Variants in SCUBE2 observed in about 807,000 individuals in gnomAD.
SCUBE2 encodes the protein signal peptide, CUB domain and EGF like domain containing 2, also known as signal peptide, CUB and EGF-like domain-containing protein 2.
A neutral mutation model predicts 125.9 loss-of-function variants in SCUBE2; 114 were observed. The ratio of observed to expected loss-of-function variants is 0.91; its 90% CI spans 0.78 to 1.06. The LOEUF is 1.06. Among genes scored for constraint, SCUBE2 ranks in the 50% least tolerant of loss-of-function variants. The pLI, the probability that SCUBE2 is intolerant of heterozygous loss-of-function variation, is 0.00. For missense variants in SCUBE2, 1,255 were observed against 1,301.8 expected (o/e 0.96, Z 0.55); for synonymous variants, 459 against 492.9 (o/e 0.93, Z 0.91).
chr11:9,020,986 C>G lies in SCUBE2; in HGVS notation c.*59G>C. 5.9e-6 allele frequency: 9 copies of G among 1,515,062 alleles called. No individual in the cohort carries two copies. Among genetic ancestry groups the G allele is most frequent in the Non-Finnish European group, 8.1e-6 (9 of 1,116,154 alleles). The allele number at this position is 1,515,062 out of a possible 1,614,324, so 93.9% of individuals were successfully genotyped here. On this transcript the variant is annotated 3_prime_UTR_variant, in exon 23 of 23. Coordinates refer to ENST00000649792, the MANE Select transcript of SCUBE2 (RefSeq NM_001367977.2). Reference sequence around the variant, plus strand: ...ACTGTGCTGACATGCAGAAGGAAGACAGCTCTGTCCCACCAACCCTATAGC... The same window carrying G: ...ACTGTGCTGACATGCAGAAGGAAGAGAGCTCTGTCCCACCAACCCTATAGC...
At chr11:9,060,375 G>A in intron 8 of SCUBE2, 33 bp downstream of exon 8, 1 of 1,539,282 alleles carries the variant, frequency 6.5e-7, no homozygotes, top group Admixed American at 1.7e-5. Context: ...TCCATAACAG[G>A]GCACCCAGTC....
chr11:9,088,877 G>C (rs1473143461), intron 2 of SCUBE2, among the ~76,000 whole-genome samples: 1 of 152,202 alleles, frequency 6.6e-6, no homozygotes, highest in African/African-American at 2.4e-5. Context: ...GTGGAGACCT[G>C]ACTTTCTTTC....
intron 16 of SCUBE2, among the ~76,000 whole-genome samples, chr11:9,041,172 G>A (rs1857205818): frequency 6.6e-6 from 1 of 152,176 alleles, no homozygotes; most frequent in Admixed American, 6.5e-5. Context: ...TCTGTCTTTT[G>A]TGATGAACAT....
intron 16 of SCUBE2, among the ~76,000 whole-genome samples, chr11:9,041,839 G>A (rs950103963): frequency 6.6e-6 from 1 of 152,140 alleles, no homozygotes; most frequent in South Asian, 2.1e-4. Context: ...AGATGGGTTT[G>A]TGTGATGTTG....
At chr11:9,048,209 G>T in intron 14 of SCUBE2, 111 bp from the exon 15 acceptor site, 1 of 1,071,176 alleles carries the variant, frequency 9.3e-7, no homozygotes, top group Non-Finnish European at 1.3e-6. Context: ...GGGACTAAGT[G>T]ATTATCTCCA....
At chr11:9,083,991 A>AATGATGAC (rs1861866309) in intron 2 of SCUBE2, among the ~76,000 whole-genome samples, 1 of 152,206 alleles carries the variant, frequency 6.6e-6, no homozygotes, top group Non-Finnish European at 1.5e-5. Context: ...CCCAGGTAGG[A>AATGATGAC]ATGATGACAC....
At chr11:9,071,361 A>G (rs534112456) in intron 4 of SCUBE2, among the ~76,000 whole-genome samples, 12 of 152,356 alleles carry the variant, frequency 7.9e-5, no homozygotes, top group South Asian at 4.1e-4. Context: ...CCATTGTGAT[A>G]CACAGAGAAC....
At chr11:9,062,197 G>A (rs1859750155) in intron 7 of SCUBE2, among the ~76,000 whole-genome samples, 1 of 152,146 alleles carries the variant, frequency 6.6e-6, no homozygotes, top group Admixed American at 6.5e-5. Context: ...GCTCCCTACT[G>A]GCAGATTTAA....
intron 5 of SCUBE2, 134 bp downstream of exon 5, chr11:9,069,236 G>A (rs1860541106): frequency 9.3e-7 from 1 of 1,077,360 alleles, no homozygotes; most frequent in Non-Finnish European, 1.4e-6. Flanking sequence ...CTTGGTAGAG[G>A]TCGGTATCCC....
rs533889121 is a variant in SCUBE2, at chr11:9,030,061, G to A, written c.2342-16C>T. 4 of 1,600,608 alleles carry A rather than the reference G, an allele frequency of 2.5e-6. No homozygotes were observed. In the African/African-American group the frequency reaches 4.0e-5, roughly 16 times the overall value. Reference sequence around the variant, plus strand: ...GAACATTGAACTGTGGGTCAAGGGAGGGTGAAAAGAATGAAAAAAAGAAAG... The same window carrying A: ...GAACATTGAACTGTGGGTCAAGGGAAGGTGAAAAGAATGAAAAAAAGAAAG... On this transcript the variant is annotated splice_polypyrimidine_tract_variant and intron_variant, in intron 18 of 22. Coordinates refer to ENST00000649792, the MANE Select transcript of SCUBE2 (RefSeq NM_001367977.2).
intron 21 of SCUBE2, among the ~76,000 whole-genome samples, chr11:9,022,966 G>A (rs1330788252): frequency 2.0e-5 from 3 of 151,980 alleles, no homozygotes; most frequent in East Asian, 1.9e-4. Flanking sequence ...CTGGAGGGTG[G>A]AGAATTTGGC....
chr11:9,039,061 C>A (rs1043806622), intron 16 of SCUBE2, among the ~76,000 whole-genome samples: 2 of 151,912 alleles, frequency 1.3e-5, no homozygotes, highest in Admixed American at 1.3e-4. Context: ...AATGTTTTAA[C>A]TTTTTGTAGA....
chr11:9,081,038 G>A (rs1420636292), intron 2 of SCUBE2, among the ~76,000 whole-genome samples: 1 of 152,168 alleles, frequency 6.6e-6, no homozygotes, highest in Non-Finnish European at 1.5e-5. Flanking sequence ...AAACCACAAT[G>A]AGATGCCATT....
chr11:9,026,007 G>A, intron 20 of SCUBE2, 153 bp from the exon 21 acceptor site: 1 of 743,962 alleles, frequency 1.3e-6, no homozygotes, highest in South Asian at 2.0e-5. Context: ...CAAAGGTCCT[G>A]GAAACAGAGT....
chr11:9,031,028 G>A (rs915719195), intron 17 of SCUBE2, 103 bp from the exon 18 acceptor site: 1 of 1,091,876 alleles, frequency 9.2e-7, no homozygotes, highest in Non-Finnish European at 1.3e-6. Context: ...ACCCAGTGCT[G>A]ACCGCAGTTC....
chr11:9,039,716 C>A lies in SCUBE2; in HGVS notation c.2003-5920G>T, dbSNP rs147749378. 7.4e-4 allele frequency among the ~76,000 whole-genome samples: 113 copies of A among 152,236 alleles called. 4 individuals are homozygous for A. The East Asian group carries it at 0.016, about 22-fold the overall frequency. The stretch of plus-strand genomic sequence containing the variant: ...ATATGGTGTAAGAGCAGCCTCCCAG[C>A]CAGTCTCCATCTCTGTGAGGCACAA... On this transcript the variant is annotated intron_variant, in intron 16 of 22. Transcript: ENST00000649792.
Position 9,029,898 on chromosome 11 carries a change from A to ATGTT in SCUBE2, c.2485_2488dup (p.Ile830LysfsTer6). 6.2e-7 allele frequency: 1 copy of ATGTT among 1,614,180 alleles called. No homozygotes were observed. The highest frequency in any genetic ancestry group is 8.5e-7 in the Non-Finnish European group (1 of 1,180,030). ...GAGGGACCTACTTTTACACTGGGTT[A>ATGTT]TGTTTGTGGAGCCATCAAAGTCAGT... On this transcript the variant is annotated frameshift_variant, in exon 19 of 23. Coordinates refer to ENST00000649792, the MANE Select transcript of SCUBE2 (RefSeq NM_001367977.2). LOFTEE classifies it high-confidence loss of function.
chr11:9,036,720 G>T (rs532555433), intron 16 of SCUBE2, among the ~76,000 whole-genome samples: 3 of 152,194 alleles, frequency 2.0e-5, no homozygotes, highest in African/African-American at 7.2e-5. Context: ...ACCAGGCCTG[G>T]TTCTCACTGA....
At chr11:9,085,475 C>A (rs1397650249) in intron 2 of SCUBE2, among the ~76,000 whole-genome samples, 1 of 151,956 alleles carries the variant, frequency 6.6e-6, no homozygotes, top group Non-Finnish European at 1.5e-5. Flanking sequence ...GCATGTAATC[C>A]CAGCACTTTG....
Sources: gnomAD v4.1 joint callset for allele counts (sites outside exome capture counted in the v4.1 genomes callset) on GRCh38, gnomAD v4.1.1 for gene constraint, MANE v1.5 for transcripts, NCBI Gene and HGNC (gene_info 2026-07-23, HGNC 2026-07-21) for gene names.